The following ANKRD55 variants were observed in gnomAD, a reference collection of about 807,000 sequenced individuals.
The protein encoded by ANKRD55 is ankyrin repeat domain-containing protein 55.
Under a neutral mutation model 60.6 loss-of-function variants are expected in ANKRD55, and 41 were observed. That is an observed-to-expected ratio of 0.68 (90% CI 0.53 to 0.88). The LOEUF is 0.88. ANKRD55 is among the 40% of genes least tolerant of loss of function. The pLI, the probability that ANKRD55 is intolerant of heterozygous loss-of-function variation, is 0.00. For synonymous variants in ANKRD55, 264 were observed against 290.3 expected (o/e 0.91, Z 0.92); for missense variants, 732 against 767.6 (o/e 0.95, Z 0.55).
At chr5:56,160,988 G>C (rs541267061) in intron 5 of ANKRD55, 1 of 152,176 alleles carries the variant, frequency 6.6e-6, no homozygotes, top group Non-Finnish European at 1.5e-5. Context: ...TGTGAGATAG[G>C]AGTGATAAAA....
At chr5:56,215,270 C>G (rs755876485) in intron 2 of ANKRD55, among the ~76,000 whole-genome samples, 1 of 152,144 alleles carries the variant, frequency 6.6e-6, no homozygotes, top group African/African-American at 2.4e-5. Context: ...ATATCTAGTT[C>G]GCATCACATC....
chr5:56,131,285 G>C (rs1425862912), intron 7 of ANKRD55, among the ~76,000 whole-genome samples: 1 of 152,190 alleles, frequency 6.6e-6, no homozygotes, highest in African/African-American at 2.4e-5. Context: ...ACCTATAGAG[G>C]AGCAAAGAGA....
intron 2 of ANKRD55, among the ~76,000 whole-genome samples, chr5:56,208,327 C>T (rs928763058): frequency 8.4e-4 from 127 of 151,658 alleles, no homozygotes; most frequent in African/African-American, 2.9e-3. Context: ...AATGATAAAA[C>T]TATAGTACAG....
At chr5:56,120,166 A>G (rs765313049) in intron 8 of ANKRD55, among the ~76,000 whole-genome samples, 22 of 152,046 alleles carry the variant, frequency 1.4e-4, no homozygotes, top group Non-Finnish European at 2.8e-4. Flanking sequence ...CCTCCCGAGT[A>G]GCTGGGATTA....
rs373654348 is a variant in ANKRD55 at position 56,164,523 on chromosome 5, C to T, written c.423-4630G>A. Among the ~76,000 whole-genome samples the T allele has an allele frequency of 1.4e-4, 22 of 152,184 alleles. No homozygotes were observed. In the East Asian group the frequency reaches 2.3e-3, roughly 16 times the overall value. ...AGAGGCAGAGTGGCTGGCACTCTGA[C>T]AGGGAGGAAAAAAAGTCTGCCAGTA... is the stretch of plus-strand genomic sequence containing the variant. On this transcript the variant is annotated intron_variant, in intron 5 of 11. Transcript: ENST00000341048.
chr5:56,107,194 C>A (rs968587041), intron 10 of ANKRD55, among the ~76,000 whole-genome samples: 1 of 152,080 alleles, frequency 6.6e-6, no homozygotes, highest in Non-Finnish European at 1.5e-5. Context: ...TTTAGTAAAT[C>A]TATACCCCTT....
chr5:56,197,169 A>G (rs1439277196), intron 2 of ANKRD55, among the ~76,000 whole-genome samples: 1 of 152,206 alleles, frequency 6.6e-6, no homozygotes, highest in Admixed American at 6.5e-5. Flanking sequence ...GGATCACATA[A>G]TATTAAATAT....
chr5:56,196,458 G>A (rs1214740468), intron 2 of ANKRD55, among the ~76,000 whole-genome samples: 2 of 152,158 alleles, frequency 1.3e-5, no homozygotes, highest in African/African-American at 4.8e-5. Flanking sequence ...GATAATCTGT[G>A]TATAATAGTG....
At position 56,205,552 on chromosome 5, in the gene ANKRD55, A is replaced by C. The variant is rs1581020452; in HGVS notation, c.59-21918T>G. Reference sequence around the variant, plus strand: ...CCATCTTGGCAGTGTTCTTGAGGAGACAGCTGTATTGAGTAGAAGGTTGAT... The same window carrying C: ...CCATCTTGGCAGTGTTCTTGAGGAGCCAGCTGTATTGAGTAGAAGGTTGAT... On this transcript the variant is annotated intron_variant, in intron 2 of 11. Coordinates refer to ENST00000341048, the MANE Select transcript of ANKRD55 (RefSeq NM_024669.3). Among the ~76,000 whole-genome samples, 2 of 152,162 alleles carry C rather than the reference A, an allele frequency of 1.3e-5. 1 individual carries two copies. Among genetic ancestry groups the C allele is most frequent in the Admixed American group, 1.3e-4 (2 of 15,274 alleles).
intron 2 of ANKRD55, among the ~76,000 whole-genome samples, chr5:56,189,259 C>T (rs1296141807): frequency 7.0e-6 from 1 of 142,386 alleles, no homozygotes; most frequent in East Asian, 2.1e-4. Flanking sequence ...TGCAGTGAGC[C>T]AACATCGCGC....
chr5:56,190,227 A>T (rs1165545277), intron 2 of ANKRD55, among the ~76,000 whole-genome samples: 1 of 152,066 alleles, frequency 6.6e-6, no homozygotes, highest in African/African-American at 2.4e-5. Flanking sequence ...TGAATATTAA[A>T]CCTTTATCAG....
intron 4 of ANKRD55, among the ~76,000 whole-genome samples, chr5:56,171,598 G>A (rs1758612286): frequency 6.6e-6 from 1 of 152,118 alleles, no homozygotes; most frequent in Non-Finnish European, 1.5e-5. Context: ...ATGCTAAAGA[G>A]GATGTCTCCT....
chr5:56,121,199 C>T (rs1757041794), intron 8 of ANKRD55, among the ~76,000 whole-genome samples: 1 of 152,064 alleles, frequency 6.6e-6, no homozygotes, highest in Non-Finnish European at 1.5e-5. Context: ...CCAAGGCACA[C>T]ACAATAAGGC....
rs1253792869 is a variant in ANKRD55 at position 56,127,018 on chromosome 5, CAT to C, written c.699_700del (p.Val235ThrfsTer14). The C allele has an allele frequency of 1.1e-5, 17 of 1,613,948 alleles. No individual in the cohort carries two copies. The highest frequency in any genetic ancestry group is 1.3e-5 in the African/African-American group (1 of 74,912). ...GCCCGCTGCCGCTGCGATATGTACA[CAT>C]GTCTTCCCACTCTCATCATCATAGT... On this transcript the variant is annotated frameshift_variant, in exon 8 of 12. Coordinates refer to ENST00000341048, the MANE Select transcript of ANKRD55 (RefSeq NM_024669.3). LOFTEE classifies it high-confidence loss of function.
chr5:56,110,908 A>G, intron 10 of ANKRD55: 1 of 596,454 alleles, frequency 1.7e-6, no homozygotes, highest in East Asian at 2.8e-5. Context: ...TTTGTACTTG[A>G]TGATTACTTG....
chr5:56,205,349 C>T (rs1759475942), intron 2 of ANKRD55, among the ~76,000 whole-genome samples: 2 of 152,246 alleles, frequency 1.3e-5, no homozygotes, highest in Non-Finnish European at 2.9e-5. Flanking sequence ...GTGTGAGCCA[C>T]TGCACCTGGG....
chr5:56,212,057 C>A (rs1759686748), intron 2 of ANKRD55, among the ~76,000 whole-genome samples: 1 of 125,810 alleles, frequency 7.9e-6, no homozygotes, highest in East Asian at 2.7e-4. Flanking sequence ...AAGACACACA[C>A]ACACACACAC....
chr5:56,145,561 G>C (rs1226531033), intron 6 of ANKRD55, among the ~76,000 whole-genome samples: 1 of 152,200 alleles, frequency 6.6e-6, no homozygotes, highest in African/African-American at 2.4e-5. Context: ...ATTGTGTCAG[G>C]CTACTGAGAT....
chr5:56,135,360 T>TTTC (rs1561264195), intron 7 of ANKRD55, among the ~76,000 whole-genome samples: 45 of 122,526 alleles, frequency 3.7e-4, no homozygotes, highest in Non-Finnish European at 6.7e-4. Context: ...TCTTTCTTTC[T>TTTC]TTCTTTCCTT....
Sources: gnomAD v4.1 joint callset for allele counts (sites outside exome capture counted in the v4.1 genomes callset) on GRCh38, gnomAD v4.1.1 for gene constraint, MANE v1.5 for transcripts, NCBI Gene and HGNC (gene_info 2026-07-23, HGNC 2026-07-21) for gene names.